RASGRP1: variants seen among roughly 807,000 people sequenced by gnomAD.
RASGRP1 encodes the protein RAS guanyl releasing protein 1, also known as RAS guanyl-releasing protein 1.
In RASGRP1, 37 loss-of-function variants were observed where a neutral mutation model predicts 95.1. The observed-to-expected ratio is 0.39, with a 90% CI of 0.30 to 0.51. The LOEUF is 0.51. Among genes scored for constraint, RASGRP1 ranks in the 20% least tolerant of loss-of-function variants. RASGRP1 has a pLI of 0.80. For missense variants in RASGRP1, 711 were observed against 965.4 expected (o/e 0.74, Z 3.49); for synonymous variants, 325 against 353.4 (o/e 0.92, Z 0.90).
At chr15:38,543,628 C>G (rs1163937980) in intron 2 of RASGRP1, among the ~76,000 whole-genome samples, 1 of 130,108 alleles carries the variant, frequency 7.7e-6, no homozygotes, top group Non-Finnish European at 1.6e-5. Flanking sequence ...CTTTACTGAC[C>G]TTTCTTTTTT....
At chr15:38,502,282 A>G (rs779569387) in intron 12 of RASGRP1, 30 bp downstream of exon 12, 1 of 1,480,202 alleles carries the variant, frequency 6.8e-7, no homozygotes, top group Non-Finnish European at 9.4e-7. Flanking sequence ...ATGGGCTCAT[A>G]ACCACATATT....
intron 9 of RASGRP1, among the ~76,000 whole-genome samples, chr15:38,506,566 T>TA (rs1305161338): frequency 7.1e-6 from 1 of 140,236 alleles, no homozygotes; most frequent in African/African-American, 2.7e-5. Flanking sequence ...ACCTGGAAGA[T>TA]AGAGGTTGCA....
chr15:38,525,981 T>C (rs1444535855), intron 3 of RASGRP1, among the ~76,000 whole-genome samples: 1 of 152,152 alleles, frequency 6.6e-6, no homozygotes. Flanking sequence ...CCTTTGTCAA[T>C]TTGCACAGGA....
intron 8 of RASGRP1, among the ~76,000 whole-genome samples, chr15:38,510,841 G>T (rs564976778): frequency 6.6e-6 from 1 of 152,244 alleles, no homozygotes; most frequent in Non-Finnish European, 1.5e-5. Context: ...TGCACCCATG[G>T]TCCTAGCTAC....
chr15:38,501,875 A>G (rs1222535488), intron 12 of RASGRP1, among the ~76,000 whole-genome samples: 1 of 145,150 alleles, frequency 6.9e-6, no homozygotes, highest in Non-Finnish European at 1.5e-5. Flanking sequence ...TTTTTTTGAG[A>G]CAGGTTTTTG....
Position 38,502,305 on chromosome 15 carries a change from C to T in RASGRP1, c.1538+7G>A, listed in dbSNP as rs544757807. 1.9e-6 allele frequency: 3 copies of T among 1,548,424 alleles called. No homozygotes were observed. The East Asian group carries it at 6.7e-5, about 35-fold the overall frequency. ...ATAACCACATATTCCTAAGTACAAA[C>T]CCTCACCTGTCTTTGTCCATCACAC... is the stretch of plus-strand genomic sequence containing the variant. On this transcript the variant is annotated splice_region_variant and intron_variant, in intron 12 of 16. Coordinates refer to ENST00000310803, the MANE Select transcript of RASGRP1 (RefSeq NM_005739.4).
intron 2 of RASGRP1, among the ~76,000 whole-genome samples, chr15:38,538,468 A>C (rs189268809): frequency 2.6e-4 from 40 of 152,308 alleles, no homozygotes; most frequent in African/African-American, 5.8e-4. Flanking sequence ...AATGAACTAC[A>C]TTCAAGGTTT....
chr15:38,553,486 A>C (rs1464857492), intron 2 of RASGRP1, among the ~76,000 whole-genome samples: 1 of 152,196 alleles, frequency 6.6e-6, no homozygotes, highest in African/African-American at 2.4e-5. Flanking sequence ...ACTCAGGAGA[A>C]GCACTCCCCA....
intron 2 of RASGRP1, among the ~76,000 whole-genome samples, chr15:38,555,198 C>T (rs532278330): frequency 6.6e-6 from 1 of 152,304 alleles, no homozygotes; most frequent in African/African-American, 2.4e-5. Context: ...CTATAAAATG[C>T]TTTTAATATC....
chr15:38,540,468 T>C lies in RASGRP1; in HGVS notation c.221-14064A>G, dbSNP rs567447944. On this transcript the variant is annotated intron_variant, in intron 2 of 16. Coordinates refer to ENST00000310803, the MANE Select transcript of RASGRP1 (RefSeq NM_005739.4). ...GTGAAATGCATTTGGAAGAGAAAAG[T>C]GGCTAAGGATTTGTATCCCCAGGAT... is the stretch of plus-strand genomic sequence containing the variant. 3.3e-5 allele frequency among the ~76,000 whole-genome samples: 5 copies of C among 152,196 alleles called. No individual in the cohort carries two copies. In the South Asian group the frequency reaches 1.0e-3, roughly 32 times the overall value.
chr15:38,547,339 G>A (rs542919595), intron 2 of RASGRP1, among the ~76,000 whole-genome samples: 12 of 152,242 alleles, frequency 7.9e-5, no homozygotes, highest in African/African-American at 2.2e-4. Context: ...CCTGTGTGCA[G>A]GGCAGGCCAA....
chr15:38,563,223 G>A (rs984391149), intron 1 of RASGRP1, among the ~76,000 whole-genome samples: 1 of 152,126 alleles, frequency 6.6e-6, no homozygotes, highest in African/African-American at 2.4e-5. Flanking sequence ...TCTATTATAG[G>A]CAGGTCGAAG....
chr15:38,517,883 T>C (rs1281885016), intron 5 of RASGRP1, among the ~76,000 whole-genome samples: 1 of 152,176 alleles, frequency 6.6e-6, no homozygotes, highest in African/African-American at 2.4e-5. Flanking sequence ...CATCCATATA[T>C]GTTATAAGCC....
rs188218076 is a variant in RASGRP1 at position 38,556,713 on chromosome 15, C to T, written c.220+3108G>A. Among the ~76,000 whole-genome samples the T allele has an allele frequency of 4.6e-3, 699 of 152,292 alleles. 1 individual carries two copies. Among genetic ancestry groups the T allele is most frequent in the South Asian group, 9.1e-3 (44 of 4,826 alleles). On this transcript the variant is annotated intron_variant, in intron 2 of 16. Transcript: ENST00000310803. ...CTTAGAAATGAAATCTTACATTTAA[C>T]TTTAATTGAAATGTATACGAAAATA...
intron 1 of RASGRP1, among the ~76,000 whole-genome samples, 190 bp downstream of exon 1, chr15:38,564,404 C>T (rs1172741997): frequency 1.3e-5 from 2 of 152,130 alleles, no homozygotes; most frequent in African/African-American, 2.4e-5. Context: ...AGCTCCCTCC[C>T]CGAAACCCCG....
chr15:38,493,069 A>G (rs1890654992), intron 16 of RASGRP1, among the ~76,000 whole-genome samples: 1 of 149,282 alleles, frequency 6.7e-6, no homozygotes. Context: ...TTTAGTAGAG[A>G]TGGGGTTTCA....
At chr15:38,546,226 TA>T (rs1438430244) in intron 2 of RASGRP1, among the ~76,000 whole-genome samples, 1,720 of 152,192 alleles carry the variant, frequency 0.011, 32 homozygotes, top group African/African-American at 0.039. Flanking sequence ...TTTATTTATT[TA>T]TTTATTTTTG....
chr15:38,514,284 T>C (rs757218413), intron 6 of RASGRP1, among the ~76,000 whole-genome samples: 16 of 152,114 alleles, frequency 1.1e-4, no homozygotes, highest in Non-Finnish European at 2.2e-4. Flanking sequence ...AGGACCAAAA[T>C]CGCTCCTTAA....
intron 2 of RASGRP1, among the ~76,000 whole-genome samples, chr15:38,553,855 C>T (rs1893434186): frequency 6.6e-6 from 1 of 152,204 alleles, no homozygotes; most frequent in African/African-American, 2.4e-5. Flanking sequence ...AAGAGGCTGG[C>T]TTCACCATGT....
Sources: gnomAD v4.1 joint callset for allele counts (sites outside exome capture counted in the v4.1 genomes callset) on GRCh38, gnomAD v4.1.1 for gene constraint, MANE v1.5 for transcripts, NCBI Gene and HGNC (gene_info 2026-07-23, HGNC 2026-07-21) for gene names.